The following PPIC variants were observed in gnomAD, a reference collection of about 807,000 sequenced individuals.
The protein encoded by PPIC is peptidylprolyl isomerase C.
A neutral mutation model predicts 19.5 loss-of-function variants in PPIC; 19 were observed. The observed-to-expected ratio is 0.98, with a 90% CI of 0.68 to 1.43. The LOEUF (loss-of-function observed/expected upper bound fraction) is 1.43. PPIC is among the 40% of genes most tolerant of loss of function. The pLI is 0.00. For synonymous variants in PPIC, 107 were observed against 101.2 expected (o/e 1.06, Z -0.34); for missense variants, 268 against 268.6 (o/e 1.00, Z 0.02).
chr5:123,031,759 C>T (rs937417342), intron 1 of PPIC, among the ~76,000 whole-genome samples: 3 of 152,048 alleles, frequency 2.0e-5, no homozygotes, highest in Non-Finnish European at 2.9e-5. Flanking sequence ...GGGGTGGTGG[C>T]AGAAGGAAAT....
In PPIC at chr5:123,024,004, C is replaced by T; in HGVS notation, c.511-1G>A. ...GGAGCTCTATGGAGTGCACCACTGT[C>T]TGGTGAGAGAAAAGTAGACACATGG... On this transcript the variant is annotated splice_acceptor_variant, in intron 4 of 4. Coordinates refer to ENST00000306442, the MANE Select transcript of PPIC (RefSeq NM_000943.5). LOFTEE classifies it high-confidence loss of function. The T allele has an allele frequency of 6.2e-7, 1 of 1,611,756 alleles. No individual in the cohort carries two copies. The highest frequency in any genetic ancestry group is 8.5e-7 in the Non-Finnish European group (1 of 1,178,754).
Position 123,029,437 on chromosome 5 carries a change from C to A in PPIC, c.118-19G>T. Reference sequence around the variant, plus strand: ...AGAAGACCTGTGTGCAGTTGAAAGGCAAAGTGGAAGGTTATAAGGTGGAAA... The same window carrying A: ...AGAAGACCTGTGTGCAGTTGAAAGGAAAAGTGGAAGGTTATAAGGTGGAAA... On this transcript the variant is annotated intron_variant, in intron 1 of 4. Transcript: ENST00000306442. 1.3e-6 allele frequency: 2 copies of A among 1,558,940 alleles called. No individual in the cohort carries two copies. The highest frequency in any genetic ancestry group is 2.0e-5 in the Admixed American group (1 of 50,816).
chr5:123,024,113 G>A (rs1762814741), intron 4 of PPIC, 110 bp from the exon 5 acceptor site: 3 of 1,318,604 alleles, frequency 2.3e-6, no homozygotes, highest in South Asian at 3.2e-5. Context: ...AAATAAGGTT[G>A]GTTGGTTGGT....
chr5:123,029,440 A>G, intron 1 of PPIC, 22 bp from the exon 2 acceptor site: 1 of 1,558,680 alleles, frequency 6.4e-7, no homozygotes, highest in Non-Finnish European at 8.7e-7. Context: ...TGAAAGGCAA[A>G]GTGGAAGGTT....
In PPIC at chr5:123,029,528, A is replaced by G. The variant is rs1581874287; in HGVS notation, c.118-110T>C. On this transcript the variant is annotated intron_variant, in intron 1 of 4. Coordinates refer to ENST00000306442, the MANE Select transcript of PPIC (RefSeq NM_000943.5). The stretch of plus-strand genomic sequence containing the variant: ...TGACCCACATACAAAAGCCCTGCCC[A>G]TCAGTATTTTGTAAAGGAGCATGAC... 12 of 1,430,416 alleles carry G rather than the reference A, an allele frequency of 8.4e-6. No homozygotes were observed. In the East Asian group the frequency reaches 2.2e-4, roughly 26 times the overall value. The allele number at this position is 1,430,416 out of a possible 1,614,324, so 88.6% of individuals were successfully genotyped here.
rs1160957120 is a variant in PPIC at position 123,036,164 on chromosome 5, GA to G, written c.117+344del. The G allele has an allele frequency of 6.9e-6, 2 of 288,166 alleles. No homozygotes were observed. The highest frequency in any genetic ancestry group is 1.3e-5 in the Non-Finnish European group (2 of 152,664). 17.9% of individuals were successfully genotyped at this position (288,166 alleles called of 1,614,324 possible). On this transcript the variant is annotated intron_variant, in intron 1 of 4. Transcript: ENST00000306442. This position sits in a 1 kb window ranked among gnomAD's most constrained non-coding sequence, Gnocchi z 4.5. ...CTCCCGAGCCCAGGCCACGCTGAAG[GA>G]AGTACTTGGGCAGTCTCTTTCCTGG...
chr5:123,026,235 C>G (rs1412758833), intron 3 of PPIC, among the ~76,000 whole-genome samples: 1 of 152,144 alleles, frequency 6.6e-6, no homozygotes, highest in Non-Finnish European at 1.5e-5. Context: ...AAGGGCCAAA[C>G]CTTGATCAAG....
chr5:123,036,495 C>A lies in PPIC; in HGVS notation c.117+14G>T, dbSNP rs1451501726. The A allele has an allele frequency of 1.2e-6, 2 of 1,600,750 alleles. No homozygotes were observed. Among genetic ancestry groups the A allele is most frequent in the Non-Finnish European group, 1.7e-6 (2 of 1,173,634 alleles). ...CCGCAACAGGGGAAGTTGCAGCCCG[C>A]CGCTCTCGGTCACCTTGGCCGTCAC... On this transcript the variant is annotated intron_variant, in intron 1 of 4. Transcript: ENST00000306442. The surrounding 1 kb of genome is among the most constrained non-coding windows in gnomAD (Gnocchi z 4.5).
intron 1 of PPIC, among the ~76,000 whole-genome samples, chr5:123,034,304 T>G (rs1244402248): frequency 1.3e-5 from 2 of 152,158 alleles, no homozygotes; most frequent in Non-Finnish European, 2.9e-5. Context: ...TTAGAAAAAC[T>G]TAATGACAAA....
In PPIC at chr5:123,032,584, A is replaced by C. The variant is rs947805074; in HGVS notation, c.118-3166T>G. 4.6e-5 allele frequency among the ~76,000 whole-genome samples: 7 copies of C among 152,100 alleles called. No homozygotes were observed. In the East Asian group the frequency reaches 1.4e-3, roughly 29 times the overall value. ...CTGCCAGCAAACACTCTCACTCTAA[A>C]CCCTCTCACCACTGGATTCATCTCT... On this transcript the variant is annotated intron_variant, in intron 1 of 4. Transcript: ENST00000306442.
At chr5:123,027,475 T>C (rs1222488684) in intron 3 of PPIC, among the ~76,000 whole-genome samples, 7 of 152,160 alleles carry the variant, frequency 4.6e-5, no homozygotes, top group Admixed American at 1.3e-4. Context: ...GAAGGTGGGA[T>C]GCCAGCACCG....
chr5:123,029,553 C>A, intron 1 of PPIC, 135 bp from the exon 2 acceptor site: 1 of 1,386,262 alleles, frequency 7.2e-7, no homozygotes, highest in African/African-American at 1.5e-5. Flanking sequence ...AGGAGCATGA[C>A]ATCAATTAAA....
In PPIC at chr5:123,036,577, G is replaced by GC. The variant is rs1763018448; in HGVS notation, c.48dup (p.Leu17AlafsTer27). On this transcript the variant is annotated frameshift_variant, in exon 1 of 5. Transcript: ENST00000306442. LOFTEE classifies it high-confidence loss of function. This position sits in a 1 kb window ranked among gnomAD's most constrained non-coding sequence, Gnocchi z 4.5. ...CCCGAAGAAAACACAAGTGCGCCGA[G>GC]CCCCACGCAAAGCACGAGAGGTAGC... The GC allele has an allele frequency of 1.2e-5, 19 of 1,600,118 alleles. No individual in the cohort carries two copies. Among genetic ancestry groups the GC allele is most frequent in the African/African-American group, 1.3e-5 (1 of 74,810 alleles).
intron 2 of PPIC, 62 bp downstream of exon 2, chr5:123,029,243 A>G (rs1470569378): frequency 3.1e-6 from 5 of 1,613,508 alleles, no homozygotes; most frequent in Admixed American, 1.7e-5. Context: ...CTCAGATGAC[A>G]TCTTTATATT....
chr5:123,036,551 C>T lies in PPIC; in HGVS notation c.75G>A (p.Gly25=). 6.2e-7 allele frequency: 1 copy of T among 1,604,804 alleles called. No homozygotes were observed. The highest frequency in any genetic ancestry group is 8.5e-7 in the Non-Finnish European group (1 of 1,177,070). Reference sequence around the variant, plus strand: ...GGCCTCGCTTGCGGAAGCCCTCGGCCCCCGAAGAAAACACAAGTGCGCCGA... The same window carrying T: ...GGCCTCGCTTGCGGAAGCCCTCGGCTCCCGAAGAAAACACAAGTGCGCCGA... ...VGLGALVFSS[G]AEGFRKRGPS... is the part of the protein sequence containing the mutation. Residue 25 remains glycine (G), a synonymous_variant, in exon 1 of 5, where the codon GGG becomes GGA. Transcript: ENST00000306442. The surrounding 1 kb of genome is among the most constrained non-coding windows in gnomAD (Gnocchi z 4.5).
rs901989792 is a variant in PPIC at position 123,036,592 on chromosome 5, C to T, written c.34G>A (p.Val12Met). 1 of 1,596,982 alleles carries T rather than the reference C, an allele frequency of 6.3e-7. No individual in the cohort carries two copies. The highest frequency in any genetic ancestry group is 1.3e-5 in the African/African-American group (1 of 74,862). Residue 12 changes from valine (V) to methionine (M), a missense_variant, in exon 1 of 5, where the codon GTG becomes ATG. Physicochemically the swap from Val to Met is conservative, Grantham distance 21. Coordinates refer to ENST00000306442, the MANE Select transcript of PPIC (RefSeq NM_000943.5). This position sits in a 1 kb window ranked among gnomAD's most constrained non-coding sequence, Gnocchi z 4.5. The part of the protein sequence containing the change: ...GPGPRLLLPL[V>M]LCVGLGALVF... ...AGTGCGCCGAGCCCCACGCAAAGCA[C>T]GAGAGGTAGCAGCAGCCGAGGACCC...
chr5:123,032,040 G>A (rs1265741737), intron 1 of PPIC, among the ~76,000 whole-genome samples: 1 of 152,134 alleles, frequency 6.6e-6, no homozygotes, highest in Non-Finnish European at 1.5e-5. Context: ...TAAGTGATCC[G>A]CCCATCTTGG....
At chr5:123,032,016 C>G (rs186178076) in intron 1 of PPIC, among the ~76,000 whole-genome samples, 1 of 152,146 alleles carries the variant, frequency 6.6e-6, no homozygotes, top group African/African-American at 2.4e-5. Flanking sequence ...AGGCTGGTCT[C>G]GAACTCCTGA....
chr5:123,024,880 A>G (rs953583253), intron 4 of PPIC, among the ~76,000 whole-genome samples: 5 of 152,174 alleles, frequency 3.3e-5, no homozygotes, highest in African/African-American at 1.2e-4. Flanking sequence ...CTTTACAGTA[A>G]CCAGTTTAGG....
Sources: allele counts gnomAD v4.1 joint callset (sites outside exome capture counted in the v4.1 genomes callset), GRCh38; gene constraint gnomAD v4.1.1; non-coding constraint Gnocchi (gnomAD v3.1); transcripts MANE v1.5; gene names NCBI Gene and HGNC (gene_info 2026-07-23, HGNC 2026-07-21).